TAF1: variants seen among roughly 807,000 people sequenced by gnomAD.
TAF1 encodes the protein TATA-box binding protein associated factor 1.
Under a neutral mutation model 138.5 loss-of-function variants are expected in TAF1, and 2 were observed. That is an observed-to-expected ratio of 0.01 (90% CI 0.01 to 0.05). The LOEUF is 0.05. Among genes scored for constraint, TAF1 ranks in the 10% least tolerant of loss-of-function variants. The pLI is 1.00. For synonymous variants in TAF1, 437 were observed against 503.2 expected (o/e 0.87, Z 1.76); for missense variants, 709 against 1,478.0 (o/e 0.48, Z 8.53).
intron 4 of TAF1, 145 bp from the exon 5 acceptor site, chrX:71,376,805 G>GTTTGCATACTAGTAGT: frequency 1.2e-6 from 1 of 829,775 alleles, no homozygotes; most frequent in South Asian, 2.7e-5. Flanking sequence ...AGTTTTCTGG[G>GTTTGCATACTAGTAGT]TTGCATACTA....
chrX:71,390,206 T>C (rs1427920934), intron 18 of TAF1, among the ~76,000 whole-genome samples: 1 of 111,949 alleles, frequency 8.9e-6, no homozygotes, highest in Non-Finnish European at 1.9e-5. Context: ...AAAAAGACTT[T>C]GACCTGATTT....
intron 20 of TAF1, 102 bp downstream of exon 20, chrX:71,393,096 A>G: frequency 9.2e-7 from 1 of 1,089,539 alleles, no homozygotes; most frequent in Non-Finnish European, 1.2e-6. Flanking sequence ...ACTTTATTGT[A>G]GGGTATAGTA....
chrX:71,371,613 A>G (rs898067865), intron 3 of TAF1, among the ~76,000 whole-genome samples: 1 of 112,082 alleles, frequency 8.9e-6, no homozygotes, highest in Non-Finnish European at 1.9e-5. Flanking sequence ...TGTATGCATT[A>G]CTTGGGATTT....
chrX:71,432,673 T>C (rs1382464461), intron 32 of TAF1, among the ~76,000 whole-genome samples: 1 of 110,839 alleles, frequency 9.0e-6, no homozygotes, highest in Non-Finnish European at 1.9e-5. Flanking sequence ...AAAAAAAAAA[T>C]TATTGAAGTT....
chrX:71,457,568 A>G (rs2038362223), intron 34 of TAF1, among the ~76,000 whole-genome samples: 2 of 112,041 alleles, frequency 1.8e-5, no homozygotes, highest in South Asian at 7.4e-4. Flanking sequence ...CAGGGAAGGG[A>G]TCTATAATAT....
At chrX:71,414,007 A>T (rs2035927229) in intron 28 of TAF1, 1 of 108,284 alleles carries the variant, frequency 9.2e-6, no homozygotes, top group African/African-American at 3.4e-5. Context: ...CTCAGGAAAG[A>T]CATTTGTTGT....
chrX:71,529,049 CA>C (rs1239843171), intron 14 of TAF1, among the ~76,000 whole-genome samples: 1 of 109,861 alleles, frequency 9.1e-6, no homozygotes, highest in African/African-American at 3.3e-5. Flanking sequence ...TAGCTAGAAA[CA>C]GAGCGCTGAT....
At chrX:71,374,510 G>T (rs2033330354) in intron 3 of TAF1, among the ~76,000 whole-genome samples, 1 of 111,593 alleles carries the variant, frequency 9.0e-6, no homozygotes, top group Admixed American at 9.5e-5. Context: ...TCTGTCACAC[G>T]ATTACTGCTC....
chrX:71,519,799 ATTGTTTGT>A (rs756663852), intron 13 of TAF1, among the ~76,000 whole-genome samples: 1 of 110,972 alleles, frequency 9.0e-6, no homozygotes, highest in African/African-American at 3.3e-5. Context: ...TGTTTTATTT[ATTGTTTGT>A]TTGTTTGTTT....
chrX:71,424,123 G>A (rs2036482121), intron 31 of TAF1, 31 bp from the exon 32 acceptor site: 1 of 1,193,682 alleles, frequency 8.4e-7, no homozygotes, highest in East Asian at 3.0e-5. Context: ...GTGTGTGTGT[G>A]TATCTGAGTG....
intron 7 of TAF1, 34 bp from the exon 8 acceptor site, chrX:71,378,790 T>A (rs777147172): frequency 1.7e-6 from 2 of 1,187,234 alleles, no homozygotes; most frequent in South Asian, 1.8e-5. Context: ...CAGTGACCAA[T>A]CAAGGATGTG....
intron 13 of TAF1, among the ~76,000 whole-genome samples, chrX:71,474,362 G>A (rs2038943001): frequency 9.0e-6 from 1 of 111,516 alleles, no homozygotes; most frequent in African/African-American, 3.3e-5. Flanking sequence ...GAAGGAGCCA[G>A]GCTTGGGGAA....
chrX:71,391,019 A>C (rs1226286174), intron 18 of TAF1, among the ~76,000 whole-genome samples: 3 of 110,160 alleles, frequency 2.7e-5, no homozygotes, highest in Non-Finnish European at 1.9e-5. Flanking sequence ...AAAGAAAGAA[A>C]TGGGATCTTA....
At chrX:71,451,892 A>T (rs760231920) in intron 32 of TAF1, among the ~76,000 whole-genome samples, 1 of 112,596 alleles carries the variant, frequency 8.9e-6, no homozygotes, top group African/African-American at 3.2e-5. Flanking sequence ...ACACAGACAC[A>T]GCAACCATCC....
chrX:71,382,918 C>A (rs761782366), intron 11 of TAF1, 50 bp downstream of exon 11: 2 of 1,190,582 alleles, frequency 1.7e-6, no homozygotes, highest in African/African-American at 3.5e-5. Flanking sequence ...TGGCTTTGTT[C>A]TGACGGAGGA....
chrX:71,439,430 T>C (rs1007036562), intron 32 of TAF1, among the ~76,000 whole-genome samples: 1 of 111,857 alleles, frequency 8.9e-6, no homozygotes, highest in African/African-American at 3.2e-5. Flanking sequence ...ATCATCTACA[T>C]TTCTGTCAGG....
At chrX:71,472,328 G>A (rs772300161) in intron 13 of TAF1, among the ~76,000 whole-genome samples, 6 of 112,336 alleles carry the variant, frequency 5.3e-5, no homozygotes, top group Admixed American at 2.9e-4. Flanking sequence ...CAGAATTTTC[G>A]ATAATACAAT....
Position 71,378,357 on chromosome X carries a change from T to C in TAF1, c.1056T>C (p.Asp352=), listed in dbSNP as rs781179101. ...WRYGPARLWY[D]MLGVPEDGSG... ...ATGGGCCTGCCCGACTGTGGTATGA[T>C]ATGCTGGGTGTCCCTGAAGATGGCA... Residue 352 remains aspartate, a synonymous_variant, in exon 7 of 38, where the codon GAT becomes GAC. Coordinates refer to ENST00000423759, the MANE Select transcript of TAF1 (RefSeq NM_004606.5). 8.3e-7 allele frequency: 1 copy of C among 1,212,071 alleles called. No individual in the cohort carries two copies.
rs763621504 is a variant in TAF1 at position 71,391,629 on chromosome X, CT to C, written c.2782-923del. 7.1e-3 allele frequency among the ~76,000 whole-genome samples: 690 copies of C among 97,189 alleles called. 1 individual carries two copies. Among genetic ancestry groups the C allele is most frequent in the Middle Eastern group, 0.01 (2 of 196 alleles). 84.4% of individuals were successfully genotyped at this position (97,189 alleles called of 115,157 possible). On this transcript the variant is annotated intron_variant, in intron 18 of 37. Transcript: ENST00000423759. Reference sequence around the variant, plus strand: ...CATTTTCTTGCTAATCATATATACTCTTTTTTTTTTTTTTTTTGAGACAGAG... The same window carrying C: ...CATTTTCTTGCTAATCATATATACTCTTTTTTTTTTTTTTTTGAGACAGAG...
Sources: gnomAD v4.1 joint callset for allele counts (sites outside exome capture counted in the v4.1 genomes callset) on GRCh38, gnomAD v4.1.1 for gene constraint, MANE v1.5 for transcripts, NCBI Gene and HGNC (gene_info 2026-07-23, HGNC 2026-07-21) for gene names.